The following DYNC2I2 variants were observed in gnomAD, a reference collection of about 807,000 sequenced individuals.
DYNC2I2 encodes dynein 2 intermediate chain 2.
DYNC2I2 carries 39 observed loss-of-function variants against 52.0 expected under a neutral mutation model. That is an observed-to-expected ratio of 0.75 (90% CI 0.58 to 0.98). DYNC2I2 has a LOEUF of 0.98. Ranked by LOEUF, DYNC2I2 falls within the 50% of genes least tolerant of loss-of-function variation. The pLI is 0.00. For missense variants in DYNC2I2, 743 were observed against 728.4 expected (o/e 1.02, Z -0.23); for synonymous variants, 359 against 321.1 (o/e 1.12, Z -1.26).
chr9:128,668,814 TAAAAAAAAGGAAAAAA>T, the DYNC2I2 span, among the ~76,000 whole-genome samples: 11 of 126,130 alleles, frequency 8.7e-5, no homozygotes, highest in African/African-American at 3.3e-4. Flanking sequence ...AGACTCAGTC[TAAAAAAAAGGAAAAAA>T]AAAAAAAAGA....
At chr9:128,682,878 A>G in the DYNC2I2 span, among the ~76,000 whole-genome samples, 2 of 148,700 alleles carry the variant, frequency 1.3e-5, no homozygotes, top group Non-Finnish European at 1.5e-5. Context: ...GGGTTTCACC[A>G]TGTTAGCCAG....
chr9:128,673,322 A>G, the DYNC2I2 span, among the ~76,000 whole-genome samples: 1 of 152,166 alleles, frequency 6.6e-6, no homozygotes, highest in South Asian at 2.1e-4. Flanking sequence ...TTAATGGTTA[A>G]AAAATACAGT....
At chr9:128,643,452 G>T (rs1266470957) in intron 1 of DYNC2I2, among the ~76,000 whole-genome samples, 2 of 151,932 alleles carry the variant, frequency 1.3e-5, no homozygotes, top group African/African-American at 4.8e-5. Flanking sequence ...GCTTGAACTT[G>T]GGGGGCGGAG....
upstream of DYNC2I2, among the ~76,000 whole-genome samples, chr9:128,659,421 G>A (rs1225506143): frequency 6.6e-6 from 1 of 151,456 alleles, no homozygotes; most frequent in East Asian, 1.9e-4. Context: ...CATGAACCTG[G>A]GAGGTGGAGC....
chr9:128,677,842 G>T, the DYNC2I2 span, among the ~76,000 whole-genome samples: 1 of 152,022 alleles, frequency 6.6e-6, no homozygotes, highest in Non-Finnish European at 1.5e-5. Flanking sequence ...CGGCAGGGTA[G>T]AGTAACACTG....
chr9:128,671,815 C>A, the DYNC2I2 span, among the ~76,000 whole-genome samples: 9 of 150,744 alleles, frequency 6.0e-5, no homozygotes, highest in African/African-American at 2.2e-4. Flanking sequence ...CCATGCCCGG[C>A]TAATTTTTTT....
rs1860430977 is a variant in DYNC2I2, at chr9:128,637,151, C to T, written c.436-124G>A. On this transcript the variant is annotated intron_variant, in intron 2 of 8. Transcript: ENST00000372715. ...AGGCCCTCAAGTCCATCAGCCAGGCCTAGAGGAAAATGTGGCACGTTCATC... is the reference window on the plus strand; with the variant it reads ...AGGCCCTCAAGTCCATCAGCCAGGCTTAGAGGAAAATGTGGCACGTTCATC... 3 of 644,216 alleles carry T rather than the reference C, an allele frequency of 4.7e-6. No individual in the cohort carries two copies. In the Admixed American group the frequency reaches 7.9e-5, roughly 17 times the overall value. 39.9% of individuals were successfully genotyped at this position (644,216 alleles called of 1,614,324 possible).
the DYNC2I2 span, among the ~76,000 whole-genome samples, chr9:128,665,769 C>CA: frequency 0.13 from 9,634 of 72,098 alleles, 808 homozygotes; most frequent in East Asian, 0.32. Flanking sequence ...GACTCTGTGT[C>CA]AAAAAAAAAA....
chr9:128,656,916 T>C, upstream of DYNC2I2: 1 of 561,304 alleles, frequency 1.8e-6, no homozygotes, highest in Non-Finnish European at 2.8e-6. Flanking sequence ...TGACCGGTTT[T>C]GCATACCCTG....
chr9:128,664,302 T>C, the DYNC2I2 span, among the ~76,000 whole-genome samples: 3 of 151,754 alleles, frequency 2.0e-5, no homozygotes, highest in Non-Finnish European at 2.9e-5. Context: ...CCCACGTCCT[T>C]GATGTCTCTG....
chr9:128,647,848 C>T (rs1860645197), intron 1 of DYNC2I2, among the ~76,000 whole-genome samples: 1 of 151,884 alleles, frequency 6.6e-6, no homozygotes, highest in Non-Finnish European at 1.5e-5. Context: ...CAAAGCAAGA[C>T]CAGCAGGGTC....
chr9:128,644,409 G>GTCCCA (rs1329780865), intron 1 of DYNC2I2, among the ~76,000 whole-genome samples: 1 of 151,632 alleles, frequency 6.6e-6, no homozygotes, highest in Non-Finnish European at 1.5e-5. Context: ...CAAGTAGCTG[G>GTCCCA]GACTACAGGT....
Position 128,640,809 on chromosome 9 carries a change from G to A in DYNC2I2, c.317C>T (p.Pro106Leu), listed in dbSNP as rs1860499911. The change falls in exon 2 of 9, where the codon CCC becomes CTC. Residue 106 changes from proline (P) to leucine (L), a missense_variant. Coordinates refer to ENST00000372715, the MANE Select transcript of DYNC2I2 (RefSeq NM_052844.4). ...TCTCCGAAGAAAGGCTGCGAGCCTG[G>A]GTATGTCATACTGGGACGGGGGCTG... is the stretch of plus-strand genomic sequence containing the variant. The part of the protein sequence containing the change: ...SVQPPSQYDI[P>L]RLAAFLRRVE... 2 of 1,614,044 alleles carry A rather than the reference G, an allele frequency of 1.2e-6. No individual in the cohort carries two copies. Among genetic ancestry groups the A allele is most frequent in the Admixed American group, 1.7e-5 (1 of 59,996 alleles).
chr9:128,635,112 G>A lies in DYNC2I2; in HGVS notation c.961C>T (p.Arg321Trp), dbSNP rs369567140. 2.4e-5 allele frequency: 39 copies of A among 1,612,294 alleles called. No homozygotes were observed. In the African/African-American group the frequency reaches 3.1e-4, roughly 13 times the overall value. ...CGTACCTTCTTGAGCTTGGTGCTCCGTGGCAGCTGCTGCATGACCAGGGCG... is the reference window on the plus strand; with the variant it reads ...CGTACCTTCTTGAGCTTGGTGCTCCATGGCAGCTGCTGCATGACCAGGGCG... ...GFALVMQQLP[R>W]STKLKKHPRG... is the part of the protein sequence containing the mutation. Residue 321 changes from arginine to tryptophan, a missense_variant, in exon 6 of 9, where the codon CGG becomes TGG. Physicochemically the swap from Arg to Trp is moderately radical, Grantham distance 101. Transcript: ENST00000372715.
the DYNC2I2 span, among the ~76,000 whole-genome samples, chr9:128,671,331 T>C: frequency 4.6e-5 from 7 of 150,600 alleles, no homozygotes; most frequent in East Asian, 1.4e-3. Flanking sequence ...AGATGGAGTC[T>C]TGCTCTGTCA....
At chr9:128,636,094 G>T in intron 4 of DYNC2I2, 187 bp downstream of exon 4, 2 of 960,570 alleles carry the variant, frequency 2.1e-6, no homozygotes, top group Non-Finnish European at 3.3e-6. Context: ...CCCCCTTCCA[G>T]ACTCCTCCCC....
At chr9:128,636,177 C>T in intron 4 of DYNC2I2, 104 bp downstream of exon 4, 1 of 1,514,950 alleles carries the variant, frequency 6.6e-7, no homozygotes, top group Non-Finnish European at 9.0e-7. Flanking sequence ...GGCCCGCCTT[C>T]CTGTCTCCGG....
the DYNC2I2 span, among the ~76,000 whole-genome samples, chr9:128,672,135 G>A: frequency 3.4e-5 from 5 of 148,668 alleles, no homozygotes; most frequent in African/African-American, 5.0e-5. Context: ...CTGCATGCTT[G>A]GCTAAATTTT....
intron 1 of DYNC2I2, among the ~76,000 whole-genome samples, chr9:128,646,864 C>T (rs774014834): frequency 5.9e-5 from 9 of 152,024 alleles, no homozygotes; most frequent in African/African-American, 1.4e-4. Flanking sequence ...CAGTGGCTCA[C>T]GCCTGTAATC....
Sources: gnomAD v4.1 joint callset for allele counts (sites outside exome capture counted in the v4.1 genomes callset) on GRCh38, gnomAD v4.1.1 for gene constraint, MANE v1.5 for transcripts, NCBI Gene and HGNC (gene_info 2026-07-23, HGNC 2026-07-21) for gene names.